ZNF521: variants seen among roughly 807,000 people sequenced by gnomAD.
The protein encoded by ZNF521 is LYST-interacting protein 3.
In ZNF521, 14 loss-of-function variants were observed where a neutral mutation model predicts 105.5. The observed-to-expected ratio is 0.13, with a 90% CI of 0.09 to 0.21. The LOEUF (loss-of-function observed/expected upper bound fraction) is 0.21, where lower values mean the gene tolerates loss of function less well. Ranked by LOEUF, ZNF521 falls within the 10% of genes least tolerant of loss-of-function variation. The probability of loss-of-function intolerance (pLI) is 1.00; values close to 1 mark genes in which losing one functional copy is unlikely to be tolerated. For missense variants in ZNF521, 1,233 were observed against 1,629.7 expected, an observed-to-expected ratio of 0.76 and a Z score of 4.19; for synonymous variants, 635 against 606.0, an observed-to-expected ratio of 1.05 and a Z score of -0.70.
At chr18:25,270,856 A>T (rs1218246222) in intron 3 of ZNF521, among the ~76,000 whole-genome samples, 4 of 152,204 alleles carry the variant, frequency 2.6e-5, no homozygotes, top group African/African-American at 9.6e-5. Flanking sequence ...ATTCCCTTTG[A>T]AAACCGGCAC....
At chr18:25,271,596 G>C (rs28877297) in intron 3 of ZNF521, among the ~76,000 whole-genome samples, 10,134 of 152,106 alleles carry the variant, frequency 0.067, 399 homozygotes, top group African/African-American at 0.11. Flanking sequence ...CAGAACAGAG[G>C]CCTCAGAAAT....
chr18:25,272,067 G>GA (rs1445575102), intron 3 of ZNF521, among the ~76,000 whole-genome samples: 1 of 151,638 alleles, frequency 6.6e-6, no homozygotes, highest in Non-Finnish European at 1.5e-5. Context: ...AAATTTGCAA[G>GA]AAAAAAACAA....
chr18:25,099,861 C>T (rs930102063), intron 5 of ZNF521, among the ~76,000 whole-genome samples: 5 of 152,098 alleles, frequency 3.3e-5, no homozygotes, highest in African/African-American at 4.8e-5. Flanking sequence ...TTGGTAAGAT[C>T]GAAAGAGGAT....
chr18:25,144,651 A>G (rs140983307), intron 5 of ZNF521, among the ~76,000 whole-genome samples: 51 of 152,270 alleles, frequency 3.3e-4, no homozygotes, highest in African/African-American at 1.2e-3. Context: ...ACTCATTGCC[A>G]TGTAGTTATC....
At chr18:25,089,976 A>G (rs1235482552) in intron 6 of ZNF521, among the ~76,000 whole-genome samples, 1 of 152,216 alleles carries the variant, frequency 6.6e-6, no homozygotes, top group Non-Finnish European at 1.5e-5. Flanking sequence ...AGTTATAGCT[A>G]GCAAACAGTT....
intron 5 of ZNF521, among the ~76,000 whole-genome samples, chr18:25,114,562 A>T (rs2034266136): frequency 6.6e-6 from 1 of 152,230 alleles, no homozygotes; most frequent in Non-Finnish European, 1.5e-5. Flanking sequence ...CTCAGGAAGT[A>T]CACTTGTCAC....
At chr18:25,240,361 C>A (rs1907225036) in intron 3 of ZNF521, among the ~76,000 whole-genome samples, 2 of 152,040 alleles carry the variant, frequency 1.3e-5, no homozygotes, top group Admixed American at 6.6e-5. Context: ...CTTCAAACAT[C>A]TATAAGGAAA....
chr18:25,092,164 A>G, intron 5 of ZNF521, 83 bp from the exon 6 acceptor site: 21 of 1,515,506 alleles, frequency 1.4e-5, no homozygotes, highest in Non-Finnish European at 1.6e-5. Flanking sequence ...AATTGCATAT[A>G]TTAAACTATT....
chr18:25,311,586 G>C (rs1310825244), intron 3 of ZNF521, among the ~76,000 whole-genome samples: 2 of 151,980 alleles, frequency 1.3e-5, no homozygotes, highest in African/African-American at 4.8e-5. Flanking sequence ...CCACAAAAGA[G>C]ACCCCACTGT....
At chr18:25,066,914 G>A (rs1254705586) in intron 7 of ZNF521, among the ~76,000 whole-genome samples, 1 of 152,176 alleles carries the variant, frequency 6.6e-6, no homozygotes, top group Non-Finnish European at 1.5e-5. Context: ...AGTCCCTAAA[G>A]TACTTTAATG....
chr18:25,210,096 G>T (rs972085801), intron 4 of ZNF521, among the ~76,000 whole-genome samples: 1 of 151,958 alleles, frequency 6.6e-6, no homozygotes, highest in African/African-American at 2.4e-5. Flanking sequence ...ATACATAATA[G>T]GGGTATGTGT....
At chr18:25,139,694 C>G (rs1347357719) in intron 5 of ZNF521, among the ~76,000 whole-genome samples, 1 of 152,134 alleles carries the variant, frequency 6.6e-6, no homozygotes, top group African/African-American at 2.4e-5. Context: ...TTCTTTGGAA[C>G]CTAGTTTGAT....
At chr18:25,126,736 A>G (rs1038107041) in intron 5 of ZNF521, among the ~76,000 whole-genome samples, 7 of 152,106 alleles carry the variant, frequency 4.6e-5, no homozygotes, top group South Asian at 2.1e-4. Context: ...TCAGGAGAAA[A>G]TTCTACTTCT....
At chr18:25,287,788 GA>G in intron 3 of ZNF521, among the ~76,000 whole-genome samples, 1 of 152,140 alleles carries the variant, frequency 6.6e-6, no homozygotes, top group Non-Finnish European at 1.5e-5. Context: ...ATCCTCCTCA[GA>G]AAGAGCATTA....
chr18:25,196,884 C>T (rs530745962), intron 4 of ZNF521, among the ~76,000 whole-genome samples: 2 of 151,752 alleles, frequency 1.3e-5, no homozygotes, highest in African/African-American at 4.8e-5. Flanking sequence ...GATATGTGAC[C>T]TTGCTGAAAA....
At chr18:25,203,221 G>T (rs143477764) in intron 4 of ZNF521, among the ~76,000 whole-genome samples, 6 of 152,318 alleles carry the variant, frequency 3.9e-5, no homozygotes, top group African/African-American at 1.4e-4. Context: ...GAACATGTCA[G>T]AGAGTGACAG....
At chr18:25,305,368 A>G (rs1911921153) in intron 3 of ZNF521, among the ~76,000 whole-genome samples, 1 of 152,246 alleles carries the variant, frequency 6.6e-6, no homozygotes, top group Admixed American at 6.5e-5. Context: ...GTTACTAAAT[A>G]AATAAGCTAC....
At chr18:25,300,292 A>G (rs920445477) in intron 3 of ZNF521, among the ~76,000 whole-genome samples, 1 of 152,240 alleles carries the variant, frequency 6.6e-6, no homozygotes, top group Non-Finnish European at 1.5e-5. Context: ...AAGAATCTTG[A>G]AAAGCAATAA....
intron 7 of ZNF521, among the ~76,000 whole-genome samples, chr18:25,074,519 C>A (rs2033312640): frequency 6.6e-6 from 1 of 152,078 alleles, no homozygotes; most frequent in Non-Finnish European, 1.5e-5. Context: ...CCCTCCCCAC[C>A]CCCTAAAATC....
Sources: allele counts gnomAD v4.1 joint callset (sites outside exome capture counted in the v4.1 genomes callset), GRCh38; gene constraint gnomAD v4.1.1; transcripts MANE v1.5; gene names NCBI Gene and HGNC (gene_info 2026-07-23, HGNC 2026-07-21).